Variants in PLCB1 observed in about 807,000 individuals in gnomAD.
PLCB1 encodes phospholipase C beta 1.
Under a neutral mutation model 161.8 loss-of-function variants are expected in PLCB1, and 46 were observed. The observed-to-expected ratio is 0.28, with a 90% CI of 0.22 to 0.36. The LOEUF (loss-of-function observed/expected upper bound fraction) is 0.36. Among genes scored for constraint, PLCB1 ranks in the 10% least tolerant of loss-of-function variants. The probability of loss-of-function intolerance (pLI) is 1.00; values close to 1 mark genes in which losing one functional copy is unlikely to be tolerated. For synonymous variants in PLCB1, 517 were observed against 503.7 expected (o/e 1.03, Z -0.35); for missense variants, 1,016 against 1,472.5 (o/e 0.69, Z 5.07).
chr20:8,143,476 A>G (rs1473431261), intron 1 of PLCB1, among the ~76,000 whole-genome samples: 1 of 152,220 alleles, frequency 6.6e-6, no homozygotes, highest in Non-Finnish European at 1.5e-5. Flanking sequence ...TGGATTGATG[A>G]TGATTAATGA....
chr20:8,431,174 CTG>C (rs1273991689), intron 3 of PLCB1, among the ~76,000 whole-genome samples: 3 of 152,110 alleles, frequency 2.0e-5, no homozygotes, highest in Non-Finnish European at 4.4e-5. Context: ...TAAAAGAAAA[CTG>C]AAGCATCAAA....
intron 3 of PLCB1, among the ~76,000 whole-genome samples, chr20:8,380,115 T>C (rs1323679680): frequency 6.6e-6 from 1 of 152,258 alleles, no homozygotes; most frequent in Non-Finnish European, 1.5e-5. Context: ...ATTTAAGTCT[T>C]TAATCCATCT....
intron 2 of PLCB1, among the ~76,000 whole-genome samples, chr20:8,180,959 G>A (rs866033609): frequency 1.3e-5 from 2 of 149,822 alleles, no homozygotes; most frequent in African/African-American, 5.1e-5. Flanking sequence ...GTGTGTGTGT[G>A]TGTGTGTGTG....
At chr20:8,873,780 A>T (rs1375183428) in intron 31 of PLCB1, among the ~76,000 whole-genome samples, 1 of 152,084 alleles carries the variant, frequency 6.6e-6, no homozygotes, top group African/African-American at 2.4e-5. Context: ...ACTACCTCAT[A>T]GTTCTTTAAG....
In PLCB1 at chr20:8,190,716, A is replaced by G. The variant is rs148373461; in HGVS notation, c.177+40345A>G. 7.7e-3 allele frequency among the ~76,000 whole-genome samples: 1,173 copies of G among 152,230 alleles called. 15 individuals are homozygous for G. The highest frequency in any genetic ancestry group is 0.025 in the African/African-American group (1,048 of 41,568). ...GTAAGTTGGCTATTTAAGGGCGAGCATTAACTCTCGTGGGTCACCAGGGAA... is the reference window on the plus strand; with the variant it reads ...GTAAGTTGGCTATTTAAGGGCGAGCGTTAACTCTCGTGGGTCACCAGGGAA... On this transcript the variant is annotated intron_variant, in intron 2 of 31. Transcript: ENST00000338037.
intron 2 of PLCB1, among the ~76,000 whole-genome samples, chr20:8,344,700 C>T (rs994878581): frequency 2.0e-5 from 3 of 152,300 alleles, no homozygotes; most frequent in African/African-American, 7.2e-5. Context: ...GTAGGCCTAA[C>T]CAGATCCTAA....
chr20:8,268,437 G>A (rs1188910388), intron 2 of PLCB1, among the ~76,000 whole-genome samples: 1 of 152,184 alleles, frequency 6.6e-6, no homozygotes, highest in Non-Finnish European at 1.5e-5. Flanking sequence ...ACGTGTGCAT[G>A]TGTCTTTATA....
At chr20:8,448,975 G>C (rs1335445643) in intron 3 of PLCB1, among the ~76,000 whole-genome samples, 1 of 152,278 alleles carries the variant, frequency 6.6e-6, no homozygotes, top group Admixed American at 6.5e-5. Flanking sequence ...GAAACTACTA[G>C]TGAATGTGAT....
chr20:8,793,255 T>A (rs6039273), intron 31 of PLCB1, among the ~76,000 whole-genome samples: 98,593 of 152,052 alleles, frequency 0.65, 32,180 homozygotes, highest in East Asian at 0.85. Context: ...GGGTTTTGGA[T>A]GAGGAACGTG....
At chr20:8,483,006 C>T (rs1982573002) in intron 3 of PLCB1, among the ~76,000 whole-genome samples, 1 of 151,794 alleles carries the variant, frequency 6.6e-6, no homozygotes, top group Non-Finnish European at 1.5e-5. Flanking sequence ...TTTTTCTCTC[C>T]AAGTGCCTGA....
chr20:8,776,806 A>G (rs1217204017), intron 27 of PLCB1, among the ~76,000 whole-genome samples: 1 of 152,218 alleles, frequency 6.6e-6, no homozygotes, highest in African/African-American at 2.4e-5. Flanking sequence ...CATAAACAAA[A>G]TAAGTTGGTA....
chr20:8,644,687 C>CCGT (rs1195633899), intron 4 of PLCB1, among the ~76,000 whole-genome samples: 1 of 150,102 alleles, frequency 6.7e-6, no homozygotes, highest in Non-Finnish European at 1.5e-5. Context: ...GGCAGCCGCC[C>CCGT]CGTCCGGGAG....
chr20:8,586,371 T>C (rs191822766), intron 3 of PLCB1, among the ~76,000 whole-genome samples: 2 of 151,856 alleles, frequency 1.3e-5, no homozygotes, highest in East Asian at 3.9e-4. Flanking sequence ...TTTTTTTGCC[T>C]AAAAAGCGTC....
chr20:8,334,847 T>A lies in PLCB1; in HGVS notation c.178-36535T>A, dbSNP rs6140601. Among the ~76,000 whole-genome samples, 1,287 of 152,360 alleles carry A rather than the reference T, an allele frequency of 8.4e-3. 37 individuals carry two copies. Among genetic ancestry groups the A allele is most frequent in the South Asian group, 0.058 (282 of 4,828 alleles). On this transcript the variant is annotated intron_variant, in intron 2 of 31. Transcript: ENST00000338037. ...CCTACCTCTGCCCCATGCTTTTCCA[T>A]GCATAGCTGCTTATTTCCTTGTAGC...
intron 2 of PLCB1, among the ~76,000 whole-genome samples, chr20:8,352,060 T>G (rs1407649314): frequency 3.3e-5 from 5 of 152,108 alleles, no homozygotes; most frequent in African/African-American, 4.8e-5. Context: ...GAAGCCTTAT[T>G]CTTAATAACC....
At chr20:8,629,778 GTTCC>G (rs144179048) in intron 4 of PLCB1, among the ~76,000 whole-genome samples, 1 of 120,124 alleles carries the variant, frequency 8.3e-6, no homozygotes, top group South Asian at 3.1e-4. Flanking sequence ...TGTTGGCCTG[GTTCC>G]TTCCTTCCTT....
chr20:8,760,447 G>A lies in PLCB1; in HGVS notation c.2697G>A (p.Gln899=). ...CTGCCAAAACAGAAGATCTTATTCA[G>A]AGTGTCTTAACAGGTAAATGCCACC... is the stretch of plus-strand genomic sequence containing the variant. ...KAPAKTEDLI[Q]SVLTEVEAQT... Residue 899 remains glutamine (Q), a synonymous_variant, in exon 25 of 32, where the codon CAG becomes CAA. Transcript: ENST00000338037. The A allele has an allele frequency of 6.2e-7, 1 of 1,610,924 alleles. No individual in the cohort carries two copies. Among genetic ancestry groups the A allele is most frequent in the Non-Finnish European group, 8.5e-7 (1 of 1,177,288 alleles).
intron 28 of PLCB1, 23 bp downstream of exon 28, chr20:8,788,548 A>G (rs774358950): frequency 1.9e-6 from 3 of 1,607,102 alleles, no homozygotes; most frequent in Admixed American, 1.7e-5. Context: ...TCCCATTACA[A>G]TTGACATGTG....
chr20:8,499,596 C>T (rs1983319839), intron 3 of PLCB1, among the ~76,000 whole-genome samples: 1 of 152,068 alleles, frequency 6.6e-6, no homozygotes, highest in South Asian at 2.1e-4. Flanking sequence ...TTTATATAAG[C>T]TTGTTTTATT....
Sources: gnomAD v4.1 joint callset for allele counts (sites outside exome capture counted in the v4.1 genomes callset) on GRCh38, gnomAD v4.1.1 for gene constraint, MANE v1.5 for transcripts, NCBI Gene and HGNC (gene_info 2026-07-23, HGNC 2026-07-21) for gene names.